The following PITPNA variants were observed in gnomAD, a reference collection of about 807,000 sequenced individuals.
PITPNA encodes the protein phosphatidylinositol transfer protein alpha isoform.
PITPNA carries 13 observed loss-of-function variants against 50.3 expected under a neutral mutation model. The observed-to-expected ratio is 0.26, with a 90% CI of 0.17 to 0.41. The LOEUF (loss-of-function observed/expected upper bound fraction) is 0.41. Among genes scored for constraint, PITPNA ranks in the 10% least tolerant of loss-of-function variants. The probability of loss-of-function intolerance (pLI) is 1.00; values close to 1 mark genes in which losing one functional copy is unlikely to be tolerated. For missense variants in PITPNA, 207 were observed against 333.4 expected (o/e 0.62, Z 2.95); for synonymous variants, 120 against 119.6 (o/e 1.00, Z -0.02).
intron 10 of PITPNA, among the ~76,000 whole-genome samples, chr17:1,533,465 G>A (rs2075596181): frequency 2.0e-5 from 3 of 152,178 alleles, no homozygotes; most frequent in East Asian, 1.9e-4. Flanking sequence ...AATGGTAGAC[G>A]GCACACAGTG....
At chr17:1,557,796 T>C (rs2075743256) in intron 2 of PITPNA, among the ~76,000 whole-genome samples, 2 of 152,204 alleles carry the variant, frequency 1.3e-5, no homozygotes, top group South Asian at 4.1e-4. Flanking sequence ...TCTTGGTCTT[T>C]CCAGCAGTCA....
At position 1,520,141 on chromosome 17, in the gene PITPNA, T is replaced by C. The variant is rs2075501055; in HGVS notation, c.*420A>G. On this transcript the variant is annotated 3_prime_UTR_variant, in exon 12 of 12. Transcript: ENST00000313486. ...GCGAAGATCTTCCCAGGAAGCAAAATACCTCAGTTTACCCCAAGGTTGAGA... is the reference window on the plus strand; with the variant it reads ...GCGAAGATCTTCCCAGGAAGCAAAACACCTCAGTTTACCCCAAGGTTGAGA... 1 of 152,124 alleles carries C rather than the reference T, an allele frequency of 6.6e-6. No homozygotes were observed. The highest frequency in any genetic ancestry group is 2.4e-5 in the African/African-American group (1 of 41,414). 9.4% of individuals were successfully genotyped at this position (152,124 alleles called of 1,614,324 possible).
intron 10 of PITPNA, among the ~76,000 whole-genome samples, chr17:1,531,228 GCTGC>G (rs2075580885): frequency 6.6e-6 from 1 of 152,112 alleles, no homozygotes; most frequent in Admixed American, 6.5e-5. Context: ...CAGAATGCTG[GCTGC>G]CTGCCTGTCT....
chr17:1,559,403 T>TAGC (rs1285550534), intron 1 of PITPNA: 1 of 152,258 alleles, frequency 6.6e-6, no homozygotes, highest in Non-Finnish European at 1.5e-5. Flanking sequence ...GTGCCAGGGC[T>TAGC]AGCAGCACTT....
chr17:1,521,665 A>G lies in PITPNA; in HGVS notation c.769-20T>C. The G allele has an allele frequency of 1.9e-6, 3 of 1,608,752 alleles. No individual in the cohort carries two copies. The South Asian group carries it at 3.3e-5, about 18-fold the overall frequency. On this transcript the variant is annotated intron_variant, in intron 10 of 11. Transcript: ENST00000313486. ...TCTCATCTGGAACAAAAAAAGCAGG[A>G]CAAATGGAAGGCTCCTGCTGCTGAT...
chr17:1,553,562 G>C (rs561187743), intron 2 of PITPNA, among the ~76,000 whole-genome samples: 1 of 152,176 alleles, frequency 6.6e-6, no homozygotes, highest in East Asian at 1.9e-4. Context: ...GATTTAAAGA[G>C]GCAGGTGAGT....
In PITPNA at chr17:1,545,262, G is replaced by A. The variant is rs140137931; in HGVS notation, c.290-2235C>T. ...GGGTGTCCCAATCTGTTTTCACTCC[G>A]CTCAGAGAAAGGAAGAGCCTTCCAA... On this transcript the variant is annotated intron_variant, in intron 4 of 11. Coordinates refer to ENST00000313486, the MANE Select transcript of PITPNA (RefSeq NM_006224.4). Among the ~76,000 whole-genome samples the A allele has an allele frequency of 1.6e-3, 247 of 152,276 alleles. 1 individual carries two copies. The highest frequency in any genetic ancestry group is 2.6e-3 in the Non-Finnish European group (175 of 68,016).
At chr17:1,534,364 G>T in intron 9 of PITPNA, 143 bp from the exon 10 acceptor site, 1 of 939,878 alleles carries the variant, frequency 1.1e-6, no homozygotes, top group Non-Finnish European at 1.6e-6. Flanking sequence ...CTGGTTATCT[G>T]GACCAGCCAT....
At chr17:1,537,661 A>G (rs1168708598) in intron 7 of PITPNA, among the ~76,000 whole-genome samples, 1 of 152,234 alleles carries the variant, frequency 6.6e-6, no homozygotes, top group Non-Finnish European at 1.5e-5. Context: ...ACTTATATTC[A>G]CTTTGCTGTA....
intron 10 of PITPNA, among the ~76,000 whole-genome samples, chr17:1,525,265 A>G (rs1426761480): frequency 6.6e-6 from 1 of 151,766 alleles, no homozygotes; most frequent in East Asian, 2.0e-4. Context: ...TGGGATTACA[A>G]ACATGAGCCA....
At position 1,562,773 on chromosome 17, in the gene PITPNA, C is replaced by A; in HGVS notation, c.-213G>T. On this transcript the variant is annotated 5_prime_UTR_variant, in exon 1 of 12. Coordinates refer to ENST00000313486, the MANE Select transcript of PITPNA (RefSeq NM_006224.4). This position sits in a 1 kb window ranked among gnomAD's most constrained non-coding sequence, Gnocchi z 6.4. Reference sequence around the variant, plus strand: ...GCCGCTGCCGACGCCGCCCGGAGCTCCGGTTCCGCAGCGCCGCGCGGGGGC... The same window carrying A: ...GCCGCTGCCGACGCCGCCCGGAGCTACGGTTCCGCAGCGCCGCGCGGGGGC... 1 of 161,388 alleles carries A rather than the reference C, an allele frequency of 6.2e-6. No homozygotes were observed. Among genetic ancestry groups the A allele is most frequent in the South Asian group, 1.8e-4 (1 of 5,418 alleles). The allele number at this position is 161,388 out of a possible 1,614,324, so 10.0% of individuals were successfully genotyped here. A position where few individuals can be genotyped will look rare whatever the true frequency, so the allele number is the denominator to read the frequency against.
At chr17:1,524,280 A>G (rs565948676) in intron 10 of PITPNA, among the ~76,000 whole-genome samples, 3,174 of 140,104 alleles carry the variant, frequency 0.023, 138 homozygotes, top group African/African-American at 0.079. Flanking sequence ...TCCTGACCTC[A>G]TGATCCGCCC....
At position 1,562,426 on chromosome 17, in the gene PITPNA, C is replaced by T; in HGVS notation, c.20+115G>A. On this transcript the variant is annotated intron_variant, in intron 1 of 11. Coordinates refer to ENST00000313486, the MANE Select transcript of PITPNA (RefSeq NM_006224.4). This position sits in a 1 kb window ranked among gnomAD's most constrained non-coding sequence, Gnocchi z 6.4. The stretch of plus-strand genomic sequence containing the variant: ...CCGCTGGGCCCGCCTCAGGCACCCT[C>T]CGTCCCTGCTGCCCCTCCGTCCATC... 1 of 853,780 alleles carries T rather than the reference C, an allele frequency of 1.2e-6. No homozygotes were observed. The highest frequency in any genetic ancestry group is 2.3e-5 in the South Asian group (1 of 43,976). 52.9% of individuals were successfully genotyped at this position (853,780 alleles called of 1,614,324 possible). A position where few individuals can be genotyped will look rare whatever the true frequency, so the allele number is the denominator to read the frequency against.
chr17:1,527,967 T>G (rs555095620), intron 10 of PITPNA, among the ~76,000 whole-genome samples: 1 of 152,328 alleles, frequency 6.6e-6, no homozygotes, highest in South Asian at 2.1e-4. Flanking sequence ...GGATCACTTG[T>G]GGCTGGGAGT....
At chr17:1,540,698 C>T (rs2075643946) in intron 6 of PITPNA, among the ~76,000 whole-genome samples, 1 of 152,030 alleles carries the variant, frequency 6.6e-6, no homozygotes, top group South Asian at 2.1e-4. Context: ...ACGCCATTCT[C>T]CTGCCTCAGC....
At chr17:1,532,248 T>C (rs1162271693) in intron 10 of PITPNA, among the ~76,000 whole-genome samples, 2 of 151,984 alleles carry the variant, frequency 1.3e-5, no homozygotes, top group Admixed American at 1.3e-4. Flanking sequence ...CCACCACGCC[T>C]GGCTAATTTT....
rs145419703 is a variant in PITPNA, at chr17:1,532,586, C to T, written c.768+1513G>A. On this transcript the variant is annotated intron_variant, in intron 10 of 11. Coordinates refer to ENST00000313486, the MANE Select transcript of PITPNA (RefSeq NM_006224.4). ...GAACCCCAACATACGTCATGCTGGC[C>T]TTTGTCAGGCAGTGGATGGCTGAAG... is the stretch of plus-strand genomic sequence containing the variant. 1.5e-3 allele frequency among the ~76,000 whole-genome samples: 221 copies of T among 152,272 alleles called. 1 individual carries two copies. Among genetic ancestry groups the T allele is most frequent in the African/African-American group, 5.2e-3 (214 of 41,544 alleles).
intron 10 of PITPNA, among the ~76,000 whole-genome samples, chr17:1,533,883 G>A (rs1047386510): frequency 9.2e-5 from 14 of 152,128 alleles, no homozygotes; most frequent in Admixed American, 6.6e-4. Flanking sequence ...TTGTCTCTGT[G>A]GGTATGCCAA....
chr17:1,557,927 A>T (rs1023436132), intron 2 of PITPNA, among the ~76,000 whole-genome samples: 1 of 152,170 alleles, frequency 6.6e-6, no homozygotes, highest in African/African-American at 2.4e-5. Context: ...CACACACTTG[A>T]TCCCATCAAT....
Sources: gnomAD v4.1 joint callset for allele counts (sites outside exome capture counted in the v4.1 genomes callset) on GRCh38, gnomAD v4.1.1 for gene constraint, Gnocchi (gnomAD v3.1) non-coding constraint, MANE v1.5 for transcripts, NCBI Gene and HGNC (gene_info 2026-07-23, HGNC 2026-07-21) for gene names.